The following KCNG3 variants were observed in gnomAD, a reference collection of about 807,000 sequenced individuals.
The protein encoded by KCNG3 is voltage-gated potassium channel regulatory subunit KCNG3.
A neutral mutation model predicts 29.0 loss-of-function variants in KCNG3; 15 were observed. The ratio of observed to expected loss-of-function variants is 0.52; its 90% CI spans 0.35 to 0.80. KCNG3 has a LOEUF of 0.80. KCNG3 is among the 30% of genes least tolerant of loss of function. KCNG3 has a pLI of 0.01. For missense variants in KCNG3, 512 were observed against 605.7 expected (o/e 0.85, Z 1.62); for synonymous variants, 322 against 248.9 (o/e 1.29, Z -2.76).
intron 1 of KCNG3, among the ~76,000 whole-genome samples, chr2:42,489,914 G>A (rs1188236505): frequency 6.6e-6 from 1 of 152,122 alleles, no homozygotes; most frequent in Non-Finnish European, 1.5e-5. Flanking sequence ...AGCCATCCAA[G>A]CTCTCATCCC....
the KCNG3 span, among the ~76,000 whole-genome samples, chr2:42,416,867 T>C: frequency 3.3e-5 from 5 of 151,598 alleles, no homozygotes; most frequent in Non-Finnish European, 5.9e-5. Flanking sequence ...AGGTGACAGA[T>C]ATGTTAACTG....
intron 1 of KCNG3, among the ~76,000 whole-genome samples, chr2:42,449,580 C>T (rs1672698478): frequency 1.4e-5 from 2 of 141,336 alleles, no homozygotes; most frequent in South Asian, 2.2e-4. Context: ...CACAGTGGTA[C>T]GATGTTGGCT....
intron 1 of KCNG3, among the ~76,000 whole-genome samples, chr2:42,462,242 CACA>C (rs1243712936): frequency 4.6e-5 from 7 of 152,186 alleles, no homozygotes; most frequent in African/African-American, 9.7e-5. Flanking sequence ...GGCAAAAAAG[CACA>C]ACAAGAGAAG....
chr2:42,441,330 G>T (rs763327411), downstream of KCNG3, among the ~76,000 whole-genome samples: 7 of 152,112 alleles, frequency 4.6e-5, no homozygotes, highest in African/African-American at 7.2e-5. Flanking sequence ...CAAAACTGCA[G>T]TGAGCTATGA....
intron 1 of KCNG3, among the ~76,000 whole-genome samples, chr2:42,486,625 T>C (rs1044157351): frequency 2.6e-5 from 4 of 152,218 alleles, no homozygotes; most frequent in African/African-American, 4.8e-5. Context: ...GCCCAGCCCA[T>C]TGCCATCTCA....
chr2:42,440,106 T>C (rs994720462), downstream of KCNG3, among the ~76,000 whole-genome samples: 2 of 151,962 alleles, frequency 1.3e-5, no homozygotes, highest in Non-Finnish European at 2.9e-5. Context: ...GGGAGCAGAG[T>C]TCCCTGGTTG....
the KCNG3 span, among the ~76,000 whole-genome samples, chr2:42,401,425 A>T: frequency 2.7e-5 from 4 of 150,472 alleles, no homozygotes; most frequent in African/African-American, 7.3e-5. Context: ...AGAAAAATAT[A>T]TTTATATAAA....
chr2:42,407,905 T>C, the KCNG3 span, among the ~76,000 whole-genome samples: 3 of 152,300 alleles, frequency 2.0e-5, no homozygotes, highest in African/African-American at 4.8e-5. Flanking sequence ...GACCAAGGCA[T>C]CCCTACACTC....
At chr2:42,436,174 T>C in the KCNG3 span, among the ~76,000 whole-genome samples, 1 of 152,092 alleles carries the variant, frequency 6.6e-6, no homozygotes, top group Non-Finnish European at 1.5e-5. Flanking sequence ...TTATATGAAA[T>C]GTCCAGAATA....
the KCNG3 span, among the ~76,000 whole-genome samples, chr2:42,413,952 T>C: frequency 6.6e-6 from 1 of 152,206 alleles, no homozygotes; most frequent in Admixed American, 6.5e-5. Flanking sequence ...ACCATATCAG[T>C]ATTTTTCCAG....
At chr2:42,455,727 C>A (rs1347402869) in intron 1 of KCNG3, among the ~76,000 whole-genome samples, 1 of 151,862 alleles carries the variant, frequency 6.6e-6, no homozygotes, top group African/African-American at 2.4e-5. Flanking sequence ...TATGACTGCT[C>A]CATTACACTC....
the KCNG3 span, among the ~76,000 whole-genome samples, chr2:42,396,896 T>C: frequency 6.6e-6 from 1 of 152,264 alleles, no homozygotes; most frequent in Non-Finnish European, 1.5e-5. Context: ...TAAAAGAATG[T>C]TAGTTGTTTA....
intron 1 of KCNG3, among the ~76,000 whole-genome samples, chr2:42,488,589 G>A (rs533552523): frequency 1.9e-4 from 28 of 145,726 alleles, no homozygotes; most frequent in Admixed American, 4.2e-4. Flanking sequence ...TCACTTTATC[G>A]CCCAGGCTGG....
At chr2:42,421,689 G>A in the KCNG3 span, among the ~76,000 whole-genome samples, 1 of 152,040 alleles carries the variant, frequency 6.6e-6, no homozygotes, top group African/African-American at 2.4e-5. Flanking sequence ...GTTGCAAATG[G>A]AGAACAGAGC....
intron 1 of KCNG3, among the ~76,000 whole-genome samples, chr2:42,470,753 G>T (rs941083094): frequency 6.6e-6 from 1 of 151,872 alleles, no homozygotes; most frequent in Non-Finnish European, 1.5e-5. Flanking sequence ...GCATATGTCT[G>T]TAGTCCCAGG....
intron 1 of KCNG3, among the ~76,000 whole-genome samples, chr2:42,449,921 CTCTTA>C (rs1672707656): frequency 1.3e-5 from 2 of 152,172 alleles, no homozygotes; most frequent in Non-Finnish European, 2.9e-5. Context: ...CATACTCTGT[CTCTTA>C]TCTAGCCAGA....
intron 1 of KCNG3, among the ~76,000 whole-genome samples, chr2:42,465,175 T>G (rs1427480504): frequency 6.6e-6 from 1 of 152,054 alleles, no homozygotes; most frequent in African/African-American, 2.4e-5. Flanking sequence ...AAGTGAAAAC[T>G]TTAAGATTTT....
the KCNG3 span, among the ~76,000 whole-genome samples, chr2:42,400,612 T>C: frequency 6.6e-6 from 1 of 152,182 alleles, no homozygotes; most frequent in Non-Finnish European, 1.5e-5. Context: ...ATGAAGTTCA[T>C]AGTTTTTATT....
chr2:42,419,147 C>G, the KCNG3 span, among the ~76,000 whole-genome samples: 4 of 146,302 alleles, frequency 2.7e-5, no homozygotes, highest in Non-Finnish European at 6.0e-5. Flanking sequence ...GTGTAATGTT[C>G]CTGACAGGCC....
Sources: gnomAD v4.1 joint callset for allele counts (sites outside exome capture counted in the v4.1 genomes callset) on GRCh38, gnomAD v4.1.1 for gene constraint, MANE v1.5 for transcripts, NCBI Gene and HGNC (gene_info 2026-07-23, HGNC 2026-07-21) for gene names.